DPP6: variants seen among roughly 807,000 people sequenced by gnomAD.
DPP6 encodes the protein A-type potassium channel modulatory protein DPP6.
In DPP6, 69 loss-of-function variants were observed where a neutral mutation model predicts 122.6. That is an observed-to-expected ratio of 0.56 (90% confidence interval 0.46 to 0.69). DPP6 has a LOEUF of 0.69. Ranked by LOEUF, DPP6 falls within the 30% of genes least tolerant of loss-of-function variation. The probability of loss-of-function intolerance (pLI) is 0.00; values close to 1 mark genes in which losing one functional copy is unlikely to be tolerated. For missense variants in DPP6, 928 were observed against 1,116.9 expected, an observed-to-expected ratio of 0.83 and a Z score of 2.41; for synonymous variants, 418 against 433.1, an observed-to-expected ratio of 0.97 and a Z score of 0.43.
At chr7:154,422,182 GTCAA>G (rs1563641936) in intron 1 of DPP6, among the ~76,000 whole-genome samples, 1 of 152,140 alleles carries the variant, frequency 6.6e-6, no homozygotes, top group Non-Finnish European at 1.5e-5. Context: ...TGATCTCTTG[GTCAA>G]GCCTCAAATC....
chr7:154,511,535 C>A lies in DPP6; in HGVS notation c.458-28997C>A, dbSNP rs374354391. Reference sequence around the variant, plus strand: ...TTGACTTGTCAATGAAATTACAGAACCATTGTAAATAATCTGTAGAAATTT... The same window carrying A: ...TTGACTTGTCAATGAAATTACAGAAACATTGTAAATAATCTGTAGAAATTT... On this transcript the variant is annotated intron_variant, in intron 3 of 25. Coordinates refer to ENST00000377770, the MANE Select transcript of DPP6 (RefSeq NM_130797.4). 2.5e-4 allele frequency among the ~76,000 whole-genome samples: 38 copies of A among 152,206 alleles called. 1 individual carries two copies. In the South Asian group the frequency reaches 3.3e-3, roughly 13 times the overall value.
At chr7:153,934,320 G>A (rs184880027) in intron 1 of DPP6, among the ~76,000 whole-genome samples, 156 of 152,228 alleles carry the variant, frequency 1.0e-3, no homozygotes, top group Middle Eastern at 0.01. Context: ...CTCTGCAGGG[G>A]TGTGAAAGCG....
At chr7:154,353,252 T>G (rs1443864939) in intron 1 of DPP6, among the ~76,000 whole-genome samples, 3 of 152,216 alleles carry the variant, frequency 2.0e-5, no homozygotes, top group Non-Finnish European at 4.4e-5. Flanking sequence ...CAATAAAGCT[T>G]CTTTTCTCTT....
At chr7:153,962,313 A>C (rs1473894756) in intron 1 of DPP6, among the ~76,000 whole-genome samples, 2 of 152,134 alleles carry the variant, frequency 1.3e-5, no homozygotes, top group African/African-American at 4.8e-5. Context: ...CTGTCTGCAG[A>C]ATCTGATGCT....
At chr7:153,867,712 C>T in the DPP6 span, among the ~76,000 whole-genome samples, 1 of 152,150 alleles carries the variant, frequency 6.6e-6, no homozygotes, top group African/African-American at 2.4e-5. Context: ...TGAGAGAGGG[C>T]ATCCCTGTCT....
intron 5 of DPP6, chr7:154,587,332 C>CCTTATT: frequency 5.1e-6 from 2 of 393,084 alleles, no homozygotes; most frequent in Non-Finnish European, 9.3e-6. Flanking sequence ...AGACTTAGAA[C>CCTTATT]CTTATTCCTC....
intron 1 of DPP6, among the ~76,000 whole-genome samples, chr7:154,219,973 CCCTGTAGACCATTGGT>C (rs1800212075): frequency 6.6e-6 from 1 of 152,176 alleles, no homozygotes; most frequent in African/African-American, 2.4e-5. Flanking sequence ...GGCTGTCTGT[CCCTGTAGACCATTGGT>C]TGCCTTGCCT....
rs898573549 is a variant in DPP6, at chr7:154,597,552, G to T, written c.627+30636G>T. On this transcript the variant is annotated intron_variant, in intron 5 of 25. Coordinates refer to ENST00000377770, the MANE Select transcript of DPP6 (RefSeq NM_130797.4). ...TGCTTGAATCCAGGAGGCAGAGGTT[G>T]CAGTGAGCCAAGATCGTGCCACTGC... Among the ~76,000 whole-genome samples the T allele has an allele frequency of 3.3e-5, 5 of 152,078 alleles. No homozygotes were observed. In the East Asian group the frequency reaches 5.8e-4, roughly 18 times the overall value.
intron 8 of DPP6, among the ~76,000 whole-genome samples, chr7:154,748,163 G>A (rs543762415): frequency 1.9e-4 from 29 of 152,320 alleles, no homozygotes; most frequent in Admixed American, 5.2e-4. Context: ...ATGTAGAGGG[G>A]CCACAGAAAA....
chr7:154,076,607 G>T (rs1375342062), intron 1 of DPP6, among the ~76,000 whole-genome samples: 2 of 149,716 alleles, frequency 1.3e-5, no homozygotes, highest in African/African-American at 2.5e-5. Context: ...AAAGAAAATG[G>T]GGACACACTC....
At chr7:154,685,612 T>TATTTTTTATA (rs1340663696) in intron 7 of DPP6, among the ~76,000 whole-genome samples, 20 of 152,160 alleles carry the variant, frequency 1.3e-4, no homozygotes, top group African/African-American at 4.8e-4. Context: ...ATATAGAATC[T>TATTTTTTATA]CTTAGATTAT....
intron 1 of DPP6, among the ~76,000 whole-genome samples, chr7:154,263,676 C>CTTT (rs904581015): frequency 3.3e-5 from 5 of 151,642 alleles, no homozygotes; most frequent in South Asian, 4.2e-4. Context: ...CTGTTATGTT[C>CTTT]TTTTTATTAT....
chr7:154,181,446 C>T (rs1268762156), intron 1 of DPP6, among the ~76,000 whole-genome samples: 1 of 152,086 alleles, frequency 6.6e-6, no homozygotes, highest in Non-Finnish European at 1.5e-5. Context: ...AAGACATGAC[C>T]CTCTCCAATG....
At chr7:154,354,032 T>C (rs920949187) in intron 1 of DPP6, among the ~76,000 whole-genome samples, 1 of 152,316 alleles carries the variant, frequency 6.6e-6, no homozygotes. Flanking sequence ...AGCACTGTGC[T>C]AAGCCCAGGG....
At chr7:154,636,549 A>G (rs1245682152) in intron 5 of DPP6, among the ~76,000 whole-genome samples, 1 of 152,222 alleles carries the variant, frequency 6.6e-6, no homozygotes, top group African/African-American at 2.4e-5. Context: ...GCACTTTCCC[A>G]TCTGCTGCCC....
At chr7:154,646,681 C>T (rs557396388) in intron 6 of DPP6, among the ~76,000 whole-genome samples, 3 of 152,136 alleles carry the variant, frequency 2.0e-5, no homozygotes, top group South Asian at 2.1e-4. Flanking sequence ...TCTTTCTCTC[C>T]GTCATTCTAA....
At chr7:154,724,325 G>T (rs565553833) in intron 7 of DPP6, among the ~76,000 whole-genome samples, 12 of 152,178 alleles carry the variant, frequency 7.9e-5, no homozygotes, top group Admixed American at 5.9e-4. Context: ...TCACCCAGTG[G>T]CCCAAGAGAT....
chr7:154,234,032 A>C lies in DPP6; in HGVS notation c.243+180969A>C, dbSNP rs114971818. On this transcript the variant is annotated intron_variant, in intron 1 of 25. Transcript: ENST00000377770. The stretch of plus-strand genomic sequence containing the variant: ...GAATAGAAAAGGAGAATCATATTTC[A>C]TACCCTTACTATTCAGTCAGCTATG... 5.6e-3 allele frequency among the ~76,000 whole-genome samples: 853 copies of C among 152,296 alleles called. 9 individuals carry two copies. Among genetic ancestry groups the C allele is most frequent in the African/African-American group, 0.019 (789 of 41,566 alleles).
At chr7:154,743,957 A>C (rs1842928000) in intron 8 of DPP6, among the ~76,000 whole-genome samples, 1 of 152,120 alleles carries the variant, frequency 6.6e-6, no homozygotes, top group Non-Finnish European at 1.5e-5. Context: ...CGCAGTTCAA[A>C]CCTATATTGT....
Sources: allele counts gnomAD v4.1 joint callset (sites outside exome capture counted in the v4.1 genomes callset), GRCh38; gene constraint gnomAD v4.1.1; transcripts MANE v1.5; gene names NCBI Gene and HGNC (gene_info 2026-07-23, HGNC 2026-07-21).